The following DDX42 variants were observed in gnomAD, a reference collection of about 807,000 sequenced individuals.
DDX42 encodes the protein ATP-dependent RNA helicase DDX42.
Under a neutral mutation model 101.5 loss-of-function variants are expected in DDX42, and 22 were observed. The observed-to-expected ratio is 0.22, with a 90% CI of 0.15 to 0.31. DDX42 has a LOEUF of 0.31. Among genes scored for constraint, DDX42 ranks in the 10% least tolerant of loss-of-function variants. DDX42 has a pLI of 1.00. For synonymous variants in DDX42, 402 were observed against 401.2 expected, an observed-to-expected ratio of 1.00 and a Z score of -0.02; for missense variants, 849 against 1,199.9, an observed-to-expected ratio of 0.71 and a Z score of 4.32.
intron 1 of DDX42, among the ~76,000 whole-genome samples, chr17:63,775,735 G>A (rs1202597813): frequency 1.3e-5 from 2 of 152,172 alleles, no homozygotes; most frequent in Admixed American, 6.5e-5. Flanking sequence ...GGGAAGAATT[G>A]GGGGAAGGGA....
intron 1 of DDX42, chr17:63,774,703 G>A (rs1568255937): frequency 6.6e-6 from 1 of 152,324 alleles, no homozygotes; most frequent in South Asian, 2.1e-4. Flanking sequence ...GAATAGCGCG[G>A]GGAGAATTCT....
At chr17:63,789,131 T>G (rs2039587824) in intron 2 of DDX42, among the ~76,000 whole-genome samples, 1 of 151,992 alleles carries the variant, frequency 6.6e-6, no homozygotes, top group Admixed American at 6.6e-5. Flanking sequence ...CAGGCTAGAG[T>G]GCAGTGGCGT....
rs1037429381 is a variant in DDX42 at position 63,807,672 on chromosome 17, T to A, written c.847-52T>A. 1.0e-4 allele frequency: 161 copies of A among 1,541,500 alleles called. 1 individual carries two copies. The East Asian group carries it at 3.6e-3, about 35-fold the overall frequency. ...TATCATTCCCCAGGATTTGCTTCAG[T>A]ACATCTTTAGAATTGAAATTTTAGA... On this transcript the variant is annotated intron_variant, in intron 8 of 17. Coordinates refer to ENST00000389924, the MANE Select transcript of DDX42 (RefSeq NM_203499.3).
At chr17:63,775,439 G>A (rs1356909961) in intron 1 of DDX42, among the ~76,000 whole-genome samples, 1 of 152,186 alleles carries the variant, frequency 6.6e-6, no homozygotes, top group African/African-American at 2.4e-5. Flanking sequence ...CTGAATGTTA[G>A]AAGATGATCA....
intron 3 of DDX42, among the ~76,000 whole-genome samples, chr17:63,793,431 CTAATTTT>C (rs1183795708): frequency 3.3e-5 from 5 of 152,036 alleles, no homozygotes; most frequent in Non-Finnish European, 7.4e-5. Flanking sequence ...CCATACCCAG[CTAATTTT>C]TAAAGTTTTT....
In DDX42 at chr17:63,798,056, A is replaced by ATGAAG; in HGVS notation, c.392_396dup (p.Arg133Ter). 1 of 1,613,276 alleles carries ATGAAG rather than the reference A, an allele frequency of 6.2e-7. No homozygotes were observed. The highest frequency in any genetic ancestry group is 8.5e-7 in the Non-Finnish European group (1 of 1,179,602). ...TCATTAGGATCAGGCAGCTAGAGAC[A>ATGAAG]TGAAGAGGCTTGAAGAAAAGGACAA... is the stretch of plus-strand genomic sequence containing the variant. On this transcript the variant is annotated frameshift_variant, in exon 4 of 18. Coordinates refer to ENST00000389924, the MANE Select transcript of DDX42 (RefSeq NM_203499.3). LOFTEE classifies it high-confidence loss of function.
intron 1 of DDX42, among the ~76,000 whole-genome samples, chr17:63,780,152 C>T (rs977832869): frequency 1.3e-5 from 2 of 152,196 alleles, no homozygotes; most frequent in Admixed American, 1.3e-4. Flanking sequence ...CAAAATTAGC[C>T]AGGCGTGGTG....
intron 2 of DDX42, among the ~76,000 whole-genome samples, chr17:63,789,425 G>A (rs568938306): frequency 6.6e-6 from 1 of 151,970 alleles, no homozygotes; most frequent in African/African-American, 2.4e-5. Context: ...TGTTGCCCGG[G>A]CTGGTCTGAA....
At position 63,817,823 on chromosome 17, in the gene DDX42, G is replaced by C; in HGVS notation, c.2242G>C (p.Gly748Arg). ...NSVPTNSAQQ[G>R]HNSPDSPVTS... ...TGTTCCAACTAACTCAGCACAACAGGGCCATAACAGTCCTGACAGCCCCGT... is the reference window on the plus strand; with the variant it reads ...TGTTCCAACTAACTCAGCACAACAGCGCCATAACAGTCCTGACAGCCCCGT... The change falls in exon 18 of 18, where the codon GGC (glycine) becomes CGC (arginine). Residue 748 changes from glycine (G) to arginine (R), a missense_variant. Around this residue, in one of 5 missense-constraint regions of DDX42, gnomAD observed 300 missense variants for 304.9 expected, o/e 0.98. Coordinates refer to ENST00000389924, the MANE Select transcript of DDX42 (RefSeq NM_203499.3). 1.9e-6 allele frequency: 3 copies of C among 1,614,148 alleles called. No individual in the cohort carries two copies. In the South Asian group the frequency reaches 3.3e-5, roughly 18 times the overall value.
intron 2 of DDX42, among the ~76,000 whole-genome samples, chr17:63,790,577 G>A (rs1399691650): frequency 1.3e-5 from 2 of 152,080 alleles, no homozygotes; most frequent in South Asian, 4.2e-4. Context: ...CCTGGACAAC[G>A]TGGCAAAACC....
At chr17:63,806,245 T>A (rs1396420578) in intron 7 of DDX42, 1 of 216,900 alleles carries the variant, frequency 4.6e-6, no homozygotes, top group African/African-American at 2.3e-5. Context: ...TGAACAATTT[T>A]TTTTCCGTTT....
Position 63,794,947 on chromosome 17 carries a change from A to G in DDX42, c.372+2385A>G, listed in dbSNP as rs528616056. On this transcript the variant is annotated intron_variant, in intron 3 of 17. Coordinates refer to ENST00000389924, the MANE Select transcript of DDX42 (RefSeq NM_203499.3). Reference sequence around the variant, plus strand: ...TGAGACTCCATCTTAAAAAAAAAAAAAAAAAGAAAAATTGTCACTTAATTA... The same window carrying G: ...TGAGACTCCATCTTAAAAAAAAAAAGAAAAAGAAAAATTGTCACTTAATTA... 8.6e-3 allele frequency among the ~76,000 whole-genome samples: 1,304 copies of G among 152,076 alleles called. 17 individuals are homozygous for G. The highest frequency in any genetic ancestry group is 0.03 in the African/African-American group (1,252 of 41,454).
intron 12 of DDX42, 125 bp from the exon 13 acceptor site, chr17:63,810,951 A>G (rs2039902545): frequency 4.1e-6 from 3 of 728,174 alleles, no homozygotes; most frequent in Non-Finnish European, 6.7e-6. Context: ...CAGTTTCTAA[A>G]CTAAATTTAA....
intron 2 of DDX42, among the ~76,000 whole-genome samples, chr17:63,791,965 T>G (rs1426383383): frequency 1.3e-5 from 2 of 151,626 alleles, no homozygotes; most frequent in African/African-American, 2.4e-5. Flanking sequence ...GAGAATAGCT[T>G]GAACCCAGAA....
chr17:63,799,959 A>G (rs1190762190), intron 5 of DDX42, among the ~76,000 whole-genome samples: 3 of 152,242 alleles, frequency 2.0e-5, no homozygotes, highest in African/African-American at 7.2e-5. Flanking sequence ...CTCTGGTAAC[A>G]TCTAACCTCT....
chr17:63,817,669 C>G (rs750195164), intron 17 of DDX42, 25 bp from the exon 18 acceptor site: 4 of 1,605,328 alleles, frequency 2.5e-6, no homozygotes, highest in Non-Finnish European at 3.4e-6. Flanking sequence ...ATCTTACCTA[C>G]TCCTGATGTC....
intron 1 of DDX42, among the ~76,000 whole-genome samples, chr17:63,781,881 G>A (rs1167031424): frequency 6.6e-6 from 1 of 152,100 alleles, no homozygotes; most frequent in Non-Finnish European, 1.5e-5. Flanking sequence ...CTGGTGGCAG[G>A]TGCCTGTAGT....
At position 63,818,607 on chromosome 17, in the gene DDX42, C is replaced by T; in HGVS notation, c.*209C>T. 1 of 538,614 alleles carries T rather than the reference C, an allele frequency of 1.9e-6. No homozygotes were observed. The highest frequency in any genetic ancestry group is 3.2e-5 in the Admixed American group (1 of 31,266). 33.4% of individuals were successfully genotyped at this position (538,614 alleles called of 1,614,324 possible). A position where few individuals can be genotyped will look rare whatever the true frequency, so the allele number is the denominator to read the frequency against. On this transcript the variant is annotated 3_prime_UTR_variant, in exon 18 of 18. Transcript: ENST00000389924. ...TTTTGGTCCTTGGAAGCAGTGAGAGCTGGGAAGCTTCTTTTGGCTCTAGGT... is the reference window on the plus strand; with the variant it reads ...TTTTGGTCCTTGGAAGCAGTGAGAGTTGGGAAGCTTCTTTTGGCTCTAGGT...
At chr17:63,815,523 C>A (rs745900019) in intron 15 of DDX42, 40 bp from the exon 16 acceptor site, 101 of 1,457,192 alleles carry the variant, frequency 6.9e-5, no homozygotes, top group Admixed American at 2.1e-4. Context: ...CTGTTCTTTT[C>A]TCCCTCCCTT....
Sources: allele counts gnomAD v4.1 joint callset (sites outside exome capture counted in the v4.1 genomes callset), GRCh38; gene constraint gnomAD v4.1.1; regional missense constraint gnomAD v4.1.1; transcripts MANE v1.5; gene names NCBI Gene and HGNC (gene_info 2026-07-23, HGNC 2026-07-21).